UBE2D1: variants seen among roughly 807,000 people sequenced by gnomAD.
UBE2D1 encodes ubiquitin-conjugating enzyme E2 D1.
Under a neutral mutation model 24.6 loss-of-function variants are expected in UBE2D1, and 9 were observed. That is an observed-to-expected ratio of 0.37 (90% CI 0.22 to 0.64). The LOEUF (loss-of-function observed/expected upper bound fraction) is 0.64. Ranked by LOEUF, UBE2D1 falls within the 30% of genes least tolerant of loss-of-function variation. UBE2D1 has a pLI of 0.64. For synonymous variants in UBE2D1, 57 were observed against 57.6 expected (o/e 0.99, Z 0.04); for missense variants, 87 against 177.1 (o/e 0.49, Z 2.89).
rs1839885854 is a variant in UBE2D1 at position 58,335,094 on chromosome 10, C to T, written c.-108C>T. ...AGGGAGCGGCTAACCGGGGACCCAC[C>T]GCGCGGAGCCAGCCTAGCTGCCAGC... On this transcript the variant is annotated 5_prime_UTR_variant, in exon 1 of 7. Coordinates refer to ENST00000373910, the MANE Select transcript of UBE2D1 (RefSeq NM_003338.5). 4.0e-6 allele frequency: 5 copies of T among 1,257,342 alleles called. No homozygotes were observed. Among genetic ancestry groups the T allele is most frequent in the East Asian group, 2.7e-5 (1 of 36,516 alleles). 77.9% of individuals were successfully genotyped at this position (1,257,342 alleles called of 1,614,324 possible).
intron 1 of UBE2D1, among the ~76,000 whole-genome samples, chr10:58,335,796 G>T (rs938198223): frequency 2.6e-5 from 4 of 152,282 alleles, no homozygotes; most frequent in Middle Eastern, 6.8e-3. Context: ...TCAGGAGAAG[G>T]CTCCTGCCCC....
At chr10:58,346,185 A>G (rs1044101167) in intron 1 of UBE2D1, among the ~76,000 whole-genome samples, 25 of 151,380 alleles carry the variant, frequency 1.7e-4, no homozygotes, top group Non-Finnish European at 1.5e-5. Context: ...TAATTTTTGT[A>G]TTTTTTAGTA....
At position 58,355,169 on chromosome 10, in the gene UBE2D1, A is replaced by G. The variant is rs552670922; in HGVS notation, c.25-6169A>G. ...GAGTTTTATTATGAAATTAATTTTG[A>G]TCTCATAGACTTCCTGAAAGTGTTT... On this transcript the variant is annotated intron_variant, in intron 1 of 6. Transcript: ENST00000373910. 5.9e-5 allele frequency among the ~76,000 whole-genome samples: 9 copies of G among 152,304 alleles called. No individual in the cohort carries two copies. In the South Asian group the frequency reaches 1.9e-3, roughly 32 times the overall value.
At chr10:58,339,080 C>T (rs759496037) in intron 1 of UBE2D1, among the ~76,000 whole-genome samples, 9 of 152,066 alleles carry the variant, frequency 5.9e-5, no homozygotes, top group South Asian at 2.1e-4. Context: ...CCTCTATGGA[C>T]GGAGCATCAA....
At chr10:58,346,343 GCC>G (rs1407989335) in intron 1 of UBE2D1, among the ~76,000 whole-genome samples, 1 of 152,076 alleles carries the variant, frequency 6.6e-6, no homozygotes, top group Non-Finnish European at 1.5e-5. Flanking sequence ...AGGCATCCTT[GCC>G]CTCATCAAAC....
At position 58,367,514 on chromosome 10, in the gene UBE2D1, A is replaced by T. The variant is rs149491373; in HGVS notation, c.305-409A>T. 5.3e-3 allele frequency among the ~76,000 whole-genome samples: 804 copies of T among 152,322 alleles called. 8 individuals are homozygous for T. Among genetic ancestry groups the T allele is most frequent in the African/African-American group, 0.018 (758 of 41,582 alleles). ...AATTTTACAAATTTTTCTTCTTTGT[A>T]GACAGACTATAGCTCTAAGCCAAAG... is the stretch of plus-strand genomic sequence containing the variant. On this transcript the variant is annotated intron_variant, in intron 5 of 6. Coordinates refer to ENST00000373910, the MANE Select transcript of UBE2D1 (RefSeq NM_003338.5).
In UBE2D1 at chr10:58,361,113, T is replaced by C. The variant is rs577619740; in HGVS notation, c.25-225T>C. Reference sequence around the variant, plus strand: ...TTAGGGATGTTAAAGAAAAACAGTATTTTTTTTCCATTTAATCTTTTCAAG... The same window carrying C: ...TTAGGGATGTTAAAGAAAAACAGTACTTTTTTTCCATTTAATCTTTTCAAG... On this transcript the variant is annotated intron_variant, in intron 1 of 6. Transcript: ENST00000373910. 3.9e-5 allele frequency among the ~76,000 whole-genome samples: 6 copies of C among 152,138 alleles called. No individual in the cohort carries two copies. In the South Asian group the frequency reaches 1.0e-3, roughly 26 times the overall value.
intron 4 of UBE2D1, chr10:58,364,437 T>C (rs1194604084): frequency 5.8e-6 from 1 of 171,444 alleles, no homozygotes; most frequent in Non-Finnish European, 1.2e-5. Flanking sequence ...AGAAAAGGAT[T>C]ACTTCTACAT....
At chr10:58,364,661 T>C (rs1840236471) in intron 4 of UBE2D1, 110 bp from the exon 5 acceptor site, 1 of 709,280 alleles carries the variant, frequency 1.4e-6, no homozygotes, top group Non-Finnish European at 2.4e-6. Flanking sequence ...TTTTCTCCTC[T>C]AAAGTTATGT....
intron 5 of UBE2D1, among the ~76,000 whole-genome samples, chr10:58,365,715 C>T (rs985104983): frequency 6.6e-6 from 1 of 152,304 alleles, no homozygotes; most frequent in Non-Finnish European, 1.5e-5. Flanking sequence ...GAGAACCTGA[C>T]AGTTGGAAAA....
intron 5 of UBE2D1, among the ~76,000 whole-genome samples, chr10:58,367,636 A>C (rs1347750026): frequency 6.6e-6 from 1 of 152,170 alleles, no homozygotes; most frequent in Non-Finnish European, 1.5e-5. Flanking sequence ...GGTTGTTAAT[A>C]GCTACTTTGG....
At chr10:58,342,705 A>G (rs1588996732) in intron 1 of UBE2D1, among the ~76,000 whole-genome samples, 2 of 151,726 alleles carry the variant, frequency 1.3e-5, no homozygotes, top group East Asian at 1.9e-4. Flanking sequence ...TTTATTTGCC[A>G]TATGTTTGGA....
At chr10:58,338,338 A>G (rs1286524490) in intron 1 of UBE2D1, among the ~76,000 whole-genome samples, 1 of 152,216 alleles carries the variant, frequency 6.6e-6, no homozygotes, top group East Asian at 1.9e-4. Flanking sequence ...TAAATGATTT[A>G]ATGCTCTGAT....
At chr10:58,349,499 TCACA>T (rs1417056591) in intron 1 of UBE2D1, among the ~76,000 whole-genome samples, 1 of 152,236 alleles carries the variant, frequency 6.6e-6, no homozygotes, top group Non-Finnish European at 1.5e-5. Flanking sequence ...ATATGTATAC[TCACA>T]CAGTGTGCTT....
At chr10:58,341,033 A>G (rs1393759444) in intron 1 of UBE2D1, among the ~76,000 whole-genome samples, 1 of 152,244 alleles carries the variant, frequency 6.6e-6, no homozygotes, top group African/African-American at 2.4e-5. Context: ...GTGCTTCGCA[A>G]ATCTCTGCTC....
chr10:58,367,986 T>C lies in UBE2D1; in HGVS notation c.368T>C (p.Ile123Thr). ...PNPDDPLVPD[I>T]AQIYKSDKEK... Reference sequence around the variant, plus strand: ...CCAGATGACCCCTTAGTACCAGATATTGCACAAATCTATAAATCAGACAAA... The same window carrying C: ...CCAGATGACCCCTTAGTACCAGATACTGCACAAATCTATAAATCAGACAAA... Residue 123 changes from isoleucine to threonine, a missense_variant, in exon 6 of 7, where the codon ATT (isoleucine) becomes ACT (threonine). Physicochemically the swap from Ile to Thr is moderately conservative, Grantham distance 89 (BLOSUM62 -1). Coordinates refer to ENST00000373910, the MANE Select transcript of UBE2D1 (RefSeq NM_003338.5). 6.2e-7 allele frequency: 1 copy of C among 1,610,722 alleles called. No homozygotes were observed. Among genetic ancestry groups the C allele is most frequent in the Non-Finnish European group, 8.5e-7 (1 of 1,177,760 alleles).
Position 58,355,658 on chromosome 10 carries a change from A to G in UBE2D1, c.25-5680A>G, listed in dbSNP as rs575630293. On this transcript the variant is annotated intron_variant, in intron 1 of 6. Coordinates refer to ENST00000373910, the MANE Select transcript of UBE2D1 (RefSeq NM_003338.5). ...GAAAGAAAGTAGGGAATTAAGTTTT[A>G]GATTGTATATAAAAAGTTTTACCTC... Among the ~76,000 whole-genome samples, 128 of 152,276 alleles carry G rather than the reference A, an allele frequency of 8.4e-4. No individual in the cohort carries two copies. The Middle Eastern group carries it at 0.014, about 16-fold the overall frequency.
At chr10:58,368,158 CTT>C (rs1264560914) in intron 6 of UBE2D1, 142 bp downstream of exon 6, 3 of 588,472 alleles carry the variant, frequency 5.1e-6, no homozygotes, top group Non-Finnish European at 8.7e-6. Flanking sequence ...TGGAGTAAAC[CTT>C]TCTTTGAGAA....
chr10:58,368,537 G>A (rs576820430), intron 6 of UBE2D1, 183 bp from the exon 7 acceptor site: 25 of 379,900 alleles, frequency 6.6e-5, no homozygotes, highest in Admixed American at 4.1e-4. Flanking sequence ...AAATCCATGA[G>A]TTAAAAAATT....
Sources: allele counts gnomAD v4.1 joint callset (sites outside exome capture counted in the v4.1 genomes callset), GRCh38; gene constraint gnomAD v4.1.1; transcripts MANE v1.5; gene names NCBI Gene and HGNC (gene_info 2026-07-23, HGNC 2026-07-21).